Variants in APC observed in about 807,000 individuals in gnomAD.
APC encodes the protein adenomatous polyposis coli protein.
Under a neutral mutation model 247.0 loss-of-function variants are expected in APC, and 72 were observed. The observed-to-expected ratio is 0.29, with a 90% CI of 0.24 to 0.35. The LOEUF (loss-of-function observed/expected upper bound fraction) is 0.35, where lower values mean the gene tolerates loss of function less well. APC is among the 10% of genes least tolerant of loss of function. APC has a pLI of 1.00. For synonymous variants in APC, 1,254 were observed against 1,162.5 expected, an observed-to-expected ratio of 1.08 and a Z score of -1.60; for missense variants, 3,400 against 3,360.7, an observed-to-expected ratio of 1.01 and a Z score of -0.29.
intron 6 of APC, among the ~76,000 whole-genome samples, chr5:112,782,577 T>C (rs1312750983): frequency 1.3e-5 from 2 of 152,214 alleles, no homozygotes; most frequent in South Asian, 2.1e-4. Context: ...ATGTTAGTTA[T>C]AATACGTGTA....
chr5:112,769,974 C>A (rs1260754952), intron 4 of APC, among the ~76,000 whole-genome samples: 1 of 151,974 alleles, frequency 6.6e-6, no homozygotes, highest in Non-Finnish European at 1.5e-5. Flanking sequence ...GGTCCATAAT[C>A]TTCCATCTCT....
rs554969279 is a variant in APC, at chr5:112,826,586, T to TA, written c.1409-507dup. Among the ~76,000 whole-genome samples the TA allele has an allele frequency of 4.0e-3, 330 of 82,916 alleles. 3 individuals carry two copies. Among genetic ancestry groups the TA allele is most frequent in the Middle Eastern group, 6.9e-3 (1 of 144 alleles). 54.4% of individuals were successfully genotyped at this position (82,916 alleles called of 152,430 possible). A position where few individuals can be genotyped will look rare whatever the true frequency, so the allele number is the denominator to read the frequency against. On this transcript the variant is annotated intron_variant, in intron 11 of 15. Transcript: ENST00000257430. ...AAATTGAACAGATGATCATTTTTTG[T>TA]AAAAAAAAAAAAAAACAAAACTTTT... is the stretch of plus-strand genomic sequence containing the variant.
intron 1 of APC, among the ~76,000 whole-genome samples, chr5:112,751,852 A>G (rs796486699): frequency 2.2e-4 from 34 of 152,146 alleles, no homozygotes; most frequent in African/African-American, 6.7e-4. Context: ...GTGTTTCCAC[A>G]TTAAGTATGC....
intron 15 of APC, among the ~76,000 whole-genome samples, chr5:112,836,516 A>G (rs1764964522): frequency 6.6e-6 from 1 of 152,274 alleles, no homozygotes; most frequent in East Asian, 1.9e-4. Flanking sequence ...AAAGCCCACT[A>G]AAGCTGAATA....
At chr5:112,766,474 A>G in intron 3 of APC, 64 bp downstream of exon 3, 3 of 1,095,038 alleles carry the variant, frequency 2.7e-6, no homozygotes, top group Non-Finnish European at 2.8e-6. Context: ...TTAGGTGTGT[A>G]GATCCAAGTA....
rs76364845 is a variant in APC, at chr5:112,840,970, T to C, written c.5376T>C (p.Asn1792=). 12 of 1,612,652 alleles carry C rather than the reference T, an allele frequency of 7.4e-6. No individual in the cohort carries two copies. The highest frequency in any genetic ancestry group is 1.7e-5 in the Admixed American group (1 of 59,794). ...NTEYRTRVRK[N]ADSKNNLNAE... Reference sequence around the variant, plus strand: ...AATATAGGACACGTGTAAGAAAAAATGCAGACTCAAAAAATAATTTAAATG... The same window carrying C: ...AATATAGGACACGTGTAAGAAAAAACGCAGACTCAAAAAATAATTTAAATG... Residue 1792 remains asparagine (N), a synonymous_variant, in exon 16 of 16, where the codon AAT becomes AAC. Transcript: ENST00000257430. The surrounding 1 kb of genome is among the most constrained non-coding windows in gnomAD (Gnocchi z 4.1).
rs1301965851 is a variant in APC at position 112,767,116 on chromosome 5, TA to T, written c.221-71del. 15 of 1,245,878 alleles carry T rather than the reference TA, an allele frequency of 1.2e-5. No homozygotes were observed. The East Asian group carries it at 3.0e-4, about 25-fold the overall frequency. 77.2% of individuals were successfully genotyped at this position (1,245,878 alleles called of 1,614,324 possible). On this transcript the variant is annotated intron_variant, in intron 3 of 15. Transcript: ENST00000257430. ...GTAAACCTAATATTTCACTTTAAAA[TA>T]ATATAACATTAAGAATATTTTAGAC... is the stretch of plus-strand genomic sequence containing the variant.
chr5:112,737,805 C>T (rs901512831), upstream of APC: 81 of 978,564 alleles, frequency 8.3e-5, no homozygotes, highest in Non-Finnish European at 9.7e-5. Flanking sequence ...TCCCCATTCC[C>T]GTCGGGAGCC....
rs1644240 is a variant in APC at position 112,799,140 on chromosome 5, C to T, written c.730-2139C>T. Among the ~76,000 whole-genome samples, 31,313 of 144,862 alleles carry T rather than the reference C, an allele frequency of 0.22. 4,777 individuals are homozygous for T. Among genetic ancestry groups the T allele is most frequent in the African/African-American group, 0.44 (17,317 of 39,154 alleles). ...ATGAGAATCGTTTGAGCCGAGATTG[C>T]GCCATTGCACTCCAGCCTGGGTGAC... On this transcript the variant is annotated intron_variant, in intron 7 of 15. Coordinates refer to ENST00000257430, the MANE Select transcript of APC (RefSeq NM_000038.6).
At chr5:112,785,130 G>A (rs188616697) in intron 6 of APC, among the ~76,000 whole-genome samples, 4 of 152,222 alleles carry the variant, frequency 2.6e-5, no homozygotes, top group South Asian at 2.1e-4. Context: ...GTAGCTTGCC[G>A]TCATCACTAT....
rs143335786 is a variant in APC at position 112,711,766 on chromosome 5, G to T, written c.165+3884G>T. On this transcript the variant is annotated intron_variant, in intron 1 of 13. Coordinates refer to the APC transcript ENST00000507379. ...AGAGATGTTTTGGCTCTTGCAATTG[G>T]CAAGTACATAGATAGAAGTGGCTTG... Among the ~76,000 whole-genome samples the T allele has an allele frequency of 8.5e-5, 13 of 152,242 alleles. No individual in the cohort carries two copies. The East Asian group carries it at 2.5e-3, about 29-fold the overall frequency.
chr5:112,714,687 ATTTAGTATCACCACTACTGAAAC>A, intron 1 of APC, among the ~76,000 whole-genome samples: 1 of 152,308 alleles, frequency 6.6e-6, no homozygotes, highest in Middle Eastern at 3.4e-3. Flanking sequence ...ACAAGTATTT[ATTTAGTATCACCACTACTGAAAC>A]TTTCCCTAAA....
At chr5:112,773,980 A>G (rs902226517) in intron 4 of APC, among the ~76,000 whole-genome samples, 1 of 152,190 alleles carries the variant, frequency 6.6e-6, no homozygotes, top group Non-Finnish European at 1.5e-5. Context: ...TGATGGTAGC[A>G]TACATTGGTA....
chr5:112,793,198 A>T (rs1759836007), intron 7 of APC, among the ~76,000 whole-genome samples: 1 of 152,196 alleles, frequency 6.6e-6, no homozygotes, highest in East Asian at 1.9e-4. Flanking sequence ...ATCCCAGCAA[A>T]AGATGAGAGC....
Position 112,840,531 on chromosome 5 carries a change from G to A in APC, c.4937G>A (p.Gly1646Glu). Residue 1646 changes from glycine (G) to glutamate (E), a missense_variant, in exon 16 of 16, where the codon GGG (glycine) becomes GAG (glutamate). Gly to Glu is a moderately conservative substitution (Grantham distance 98). Around this residue, in one of 9 missense-constraint regions of APC, gnomAD observed 1,788 missense variants for 1,649.5 expected, o/e 1.08. Coordinates refer to ENST00000257430, the MANE Select transcript of APC (RefSeq NM_000038.6). This position sits in a 1 kb window ranked among gnomAD's most constrained non-coding sequence, Gnocchi z 4.1. ...DDMPRVYCVE[G>E]TPINFSTATS... ...ATGCCACGGGTGTATTGTGTTGAAG[G>A]GACACCTATAAACTTTTCCACAGCT... is the stretch of plus-strand genomic sequence containing the variant. 1 of 1,614,066 alleles carries A rather than the reference G, an allele frequency of 6.2e-7. No individual in the cohort carries two copies. Among genetic ancestry groups the A allele is most frequent in the Non-Finnish European group, 8.5e-7 (1 of 1,179,998 alleles).
intron 7 of APC, among the ~76,000 whole-genome samples, chr5:112,797,445 C>G (rs967409040): frequency 6.6e-6 from 1 of 152,112 alleles, no homozygotes; most frequent in African/African-American, 2.4e-5. Flanking sequence ...AAGCATATTT[C>G]TTATAGCATT....
intron 1 of APC, among the ~76,000 whole-genome samples, chr5:112,732,167 T>G (rs1228077928): frequency 6.6e-6 from 1 of 152,246 alleles, no homozygotes; most frequent in Non-Finnish European, 1.5e-5. Context: ...AGAAGTAAGT[T>G]TCTTTCTCCT....
intron 4 of APC, among the ~76,000 whole-genome samples, chr5:112,774,782 G>T (rs1469787053): frequency 6.6e-6 from 1 of 151,762 alleles, no homozygotes; most frequent in African/African-American, 2.4e-5. Context: ...TGGCCCCCAG[G>T]ATCAATTTTT....
chr5:112,814,970 A>G (rs1192083901), intron 8 of APC, among the ~76,000 whole-genome samples: 3 of 152,096 alleles, frequency 2.0e-5, no homozygotes, highest in Non-Finnish European at 4.4e-5. Flanking sequence ...GTTTTCCCTC[A>G]GTGTTTTGTT....
Sources: gnomAD v4.1 joint callset for allele counts (sites outside exome capture counted in the v4.1 genomes callset) on GRCh38, gnomAD v4.1.1 for gene constraint, gnomAD v4.1.1 regional missense constraint, Gnocchi (gnomAD v3.1) non-coding constraint, MANE v1.5 for transcripts, NCBI Gene and HGNC (gene_info 2026-07-23, HGNC 2026-07-21) for gene names.